Variants in DEPDC1B observed in about 807,000 individuals in gnomAD.
DEPDC1B encodes DEP domain containing 1B, also known as DEP domain-containing protein 1B.
A neutral mutation model predicts 66.5 loss-of-function variants in DEPDC1B; 51 were observed. The ratio of observed to expected loss-of-function variants is 0.77; its 90% CI spans 0.61 to 0.97. The LOEUF (loss-of-function observed/expected upper bound fraction) is 0.97. Ranked by LOEUF, DEPDC1B falls within the 50% of genes least tolerant of loss-of-function variation. DEPDC1B has a pLI of 0.00. For synonymous variants in DEPDC1B, 226 were observed against 223.6 expected, an observed-to-expected ratio of 1.01 and a Z score of -0.10; for missense variants, 552 against 637.1, an observed-to-expected ratio of 0.87 and a Z score of 1.44.
chr5:60,632,586 G>C (rs969960130), intron 7 of DEPDC1B, among the ~76,000 whole-genome samples: 1 of 152,380 alleles, frequency 6.6e-6, no homozygotes, highest in South Asian at 2.1e-4. Context: ...GACAGCAGTG[G>C]CTACTCCGAC....
intron 2 of DEPDC1B, among the ~76,000 whole-genome samples, chr5:60,651,711 G>A (rs1753460350): frequency 1.3e-5 from 2 of 152,148 alleles, no homozygotes; most frequent in South Asian, 4.1e-4. Flanking sequence ...TCTTAATAGA[G>A]GTTGAAAGAA....
rs1754430077 is a variant in DEPDC1B at position 60,687,039 on chromosome 5, G to A, written c.237C>T (p.Phe79=). The part of the protein sequence containing the change: ...RKQTVQLLKK[F]LKNHVIEDIK... The stretch of plus-strand genomic sequence containing the variant: ...TGTCTTCAATAACGTGATTCTTCAG[G>A]AATTTTTTTAGCAGCTGGACCGTTT... Residue 79 remains phenylalanine, a synonymous_variant, in exon 2 of 11, where the codon TTC becomes TTT. Transcript: ENST00000265036. 1.2e-6 allele frequency: 2 copies of A among 1,614,028 alleles called. No individual in the cohort carries two copies. Among genetic ancestry groups the A allele is most frequent in the South Asian group, 2.2e-5 (2 of 91,080 alleles).
Position 60,644,757 on chromosome 5 carries a change from C to G in DEPDC1B, c.697G>C (p.Asp233His). Residue 233 changes from aspartate to histidine, a missense_variant, in exon 5 of 11, where the codon GAT becomes CAT. By Grantham distance (81) the Asp-to-His change is moderately conservative. Coordinates refer to ENST00000265036, the MANE Select transcript of DEPDC1B (RefSeq NM_018369.3). The stretch of plus-strand genomic sequence containing the variant: ...TTTATGCACTTACTTGACTTGTCAT[C>G]AAGAATAACAACTCCCTGCTTGCTA... ...SVSKQGVVIL[D>H]DKSKELPHWV... 2 of 1,590,218 alleles carry G rather than the reference C, an allele frequency of 1.3e-6. No individual in the cohort carries two copies. Among genetic ancestry groups the G allele is most frequent in the East Asian group, 4.5e-5 (2 of 44,138 alleles).
At chr5:60,616,229 G>A (rs1360294137) in intron 7 of DEPDC1B, among the ~76,000 whole-genome samples, 1 of 152,178 alleles carries the variant, frequency 6.6e-6, no homozygotes, top group Non-Finnish European at 1.5e-5. Context: ...CTAAAAATCA[G>A]AGCACCTCTC....
At position 60,638,745 on chromosome 5, in the gene DEPDC1B, C is replaced by T. The variant is rs1172492581; in HGVS notation, c.898+5G>A. ...TAGATATATGTTCATTATATTCCAA[C>T]TTACCCAGTACACTGACAAAAGCAT... On this transcript the variant is annotated splice_donor_5th_base_variant and intron_variant, in intron 7 of 10. Transcript: ENST00000265036. 3 of 1,603,930 alleles carry T rather than the reference C, an allele frequency of 1.9e-6. No individual in the cohort carries two copies. In the Admixed American group the frequency reaches 5.2e-5, roughly 28 times the overall value.
intron 7 of DEPDC1B, among the ~76,000 whole-genome samples, chr5:60,620,456 A>T (rs893541925): frequency 3.3e-5 from 5 of 152,226 alleles, no homozygotes; most frequent in African/African-American, 1.2e-4. Flanking sequence ...AAAAACAAAC[A>T]ACCCCATCAA....
In DEPDC1B at chr5:60,642,796, G is replaced by T. The variant is rs1441038775; in HGVS notation, c.757+16C>A. 2 of 1,601,880 alleles carry T rather than the reference G, an allele frequency of 1.2e-6. No homozygotes were observed. Among genetic ancestry groups the T allele is most frequent in the Non-Finnish European group, 1.7e-6 (2 of 1,174,642 alleles). ...TTCTGTTAATTTCACAAAACTGGCA[G>T]ATAATTAGTACTTACAATTTGCCAA... On this transcript the variant is annotated intron_variant, in intron 6 of 10. Transcript: ENST00000265036.
chr5:60,637,690 G>A (rs916635376), intron 7 of DEPDC1B, among the ~76,000 whole-genome samples: 1 of 152,090 alleles, frequency 6.6e-6, no homozygotes, highest in African/African-American at 2.4e-5. Context: ...ATACCAAGAA[G>A]GTCCAGTAGT....
chr5:60,655,417 G>A (rs903503309), intron 2 of DEPDC1B, among the ~76,000 whole-genome samples: 3 of 148,800 alleles, frequency 2.0e-5, no homozygotes, highest in Non-Finnish European at 4.4e-5. Context: ...TGCACATTAA[G>A]GTGTTCCTAG....
chr5:60,681,185 C>T (rs904015279), intron 2 of DEPDC1B, among the ~76,000 whole-genome samples: 1 of 152,158 alleles, frequency 6.6e-6, no homozygotes, highest in African/African-American at 2.4e-5. Context: ...GACCAGCCCA[C>T]CCAGGCCCCC....
At chr5:60,625,762 T>C (rs148260457) in intron 7 of DEPDC1B, among the ~76,000 whole-genome samples, 1 of 152,298 alleles carries the variant, frequency 6.6e-6, no homozygotes, top group African/African-American at 2.4e-5. Flanking sequence ...CCATAGGTCA[T>C]TGAGGCTGTA....
intron 2 of DEPDC1B, among the ~76,000 whole-genome samples, chr5:60,671,434 C>T (rs986004860): frequency 1.3e-5 from 2 of 152,250 alleles, no homozygotes; most frequent in East Asian, 3.8e-4. Context: ...CAGGCTGCTT[C>T]CAGCCCACCA....
intron 2 of DEPDC1B, among the ~76,000 whole-genome samples, chr5:60,648,557 T>C (rs1041188018): frequency 6.6e-6 from 1 of 152,226 alleles, no homozygotes; most frequent in Non-Finnish European, 1.5e-5. Context: ...CTTCTGAAGG[T>C]TGAGGAAAAC....
chr5:60,677,676 A>G (rs1754201934), intron 2 of DEPDC1B, among the ~76,000 whole-genome samples: 1 of 152,012 alleles, frequency 6.6e-6, no homozygotes, highest in East Asian at 1.9e-4. Context: ...AGCTTGGTCT[A>G]TGGTACATGC....
chr5:60,627,670 T>A (rs915152736), intron 7 of DEPDC1B, among the ~76,000 whole-genome samples: 3 of 152,164 alleles, frequency 2.0e-5, no homozygotes, highest in African/African-American at 7.2e-5. Context: ...TTTCTCTAAC[T>A]ACAAATTGTT....
chr5:60,603,586 G>T lies in DEPDC1B; in HGVS notation c.1066-19C>A, dbSNP rs11740327. ...GAACCATCTAAAAAAAGAGCGGGGT[G>T]GGGGGTAAACGCAGATGAGTATTTT... On this transcript the variant is annotated intron_variant, in intron 8 of 10. Coordinates refer to ENST00000265036, the MANE Select transcript of DEPDC1B (RefSeq NM_018369.3). 11 of 1,565,234 alleles carry T rather than the reference G, an allele frequency of 7.0e-6. No individual in the cohort carries two copies. Among genetic ancestry groups the T allele is most frequent in the East Asian group, 4.5e-5 (2 of 44,014 alleles).
intron 6 of DEPDC1B, among the ~76,000 whole-genome samples, chr5:60,641,417 C>T (rs889351111): frequency 6.7e-6 from 1 of 149,488 alleles, no homozygotes; most frequent in East Asian, 2.0e-4. Flanking sequence ...GGCACAATCT[C>T]GGGTTCATGC....
In DEPDC1B at chr5:60,642,792, G is replaced by A. The variant is rs1435784465; in HGVS notation, c.757+20C>T. ...TAATTTCTGTTAATTTCACAAAACT[G>A]GCAGATAATTAGTACTTACAATTTG... is the stretch of plus-strand genomic sequence containing the variant. On this transcript the variant is annotated intron_variant, in intron 6 of 10. Coordinates refer to ENST00000265036, the MANE Select transcript of DEPDC1B (RefSeq NM_018369.3). The A allele has an allele frequency of 9.4e-6, 15 of 1,598,164 alleles. No homozygotes were observed. In the South Asian group the frequency reaches 1.2e-4, roughly 13 times the overall value.
At chr5:60,609,829 T>C (rs1752379559) in intron 7 of DEPDC1B, among the ~76,000 whole-genome samples, 1 of 152,304 alleles carries the variant, frequency 6.6e-6, no homozygotes, top group Middle Eastern at 3.4e-3. Context: ...AAACCTATTA[T>C]TTTGACATAA....
Sources: gnomAD v4.1 joint callset for allele counts (sites outside exome capture counted in the v4.1 genomes callset) on GRCh38, gnomAD v4.1.1 for gene constraint, MANE v1.5 for transcripts, NCBI Gene and HGNC (gene_info 2026-07-23, HGNC 2026-07-21) for gene names.